Variants in SMAD1 observed in about 807,000 individuals in gnomAD.
SMAD1 encodes SMAD family member 1, also known as MAD, mothers against decapentaplegic homolog 1.
A neutral mutation model predicts 41.6 loss-of-function variants in SMAD1; 6 were observed. The ratio of observed to expected loss-of-function variants is 0.14; its 90% confidence interval spans 0.08 to 0.28. The LOEUF is 0.28. Ranked by LOEUF, SMAD1 falls within the 10% of genes least tolerant of loss-of-function variation. SMAD1 has a pLI of 1.00. For synonymous variants in SMAD1, 206 were observed against 203.2 expected (o/e 1.01, Z -0.12); for missense variants, 379 against 582.6 (o/e 0.65, Z 3.60).
In SMAD1 at chr4:145,555,218, G is replaced by A. The variant is rs551940858; in HGVS notation, c.1254+1178G>A. On this transcript the variant is annotated intron_variant, in intron 6 of 6. Transcript: ENST00000302085. ...TAACCTATATGTTATGTACATATGG[G>A]ACTACAAAGAACTATCTTATTCATT... Among the ~76,000 whole-genome samples, 5 of 152,242 alleles carry A rather than the reference G, an allele frequency of 3.3e-5. No individual in the cohort carries two copies. In the East Asian group the frequency reaches 9.6e-4, roughly 29 times the overall value.
intron 5 of SMAD1, among the ~76,000 whole-genome samples, chr4:145,548,108 G>A (rs1732351830): frequency 6.6e-6 from 1 of 152,052 alleles, no homozygotes; most frequent in Non-Finnish European, 1.5e-5. Context: ...GAACTCATGG[G>A]GCATGCCTCA....
rs1287932546 is a variant in SMAD1 at position 145,482,638 on chromosome 4, C to T, written c.-177+600C>T. On this transcript the variant is annotated intron_variant, in intron 1 of 6. Transcript: ENST00000302085. The surrounding 1 kb of genome is among the most constrained non-coding windows in gnomAD (Gnocchi z 4.2). ...CATCCCGCACGGGTTTTCTTCTCGG[C>T]CCCAGCAAGCCTCTTTGGGGTCGAG... 1 of 152,202 alleles carries T rather than the reference C, an allele frequency of 6.6e-6. No homozygotes were observed. Among genetic ancestry groups the T allele is most frequent in the Non-Finnish European group, 1.5e-5 (1 of 68,058 alleles). The allele number at this position is 152,202 out of a possible 1,614,324, so 9.4% of individuals were successfully genotyped here.
intron 2 of SMAD1, among the ~76,000 whole-genome samples, chr4:145,538,349 C>T (rs1412888407): frequency 1.3e-5 from 2 of 152,026 alleles, no homozygotes; most frequent in Non-Finnish European, 2.9e-5. Context: ...TGGGAAGATT[C>T]CATCACTGTA....
In SMAD1 at chr4:145,514,421, C is replaced by CT; in HGVS notation, c.-176-10dup. On this transcript the variant is annotated splice_polypyrimidine_tract_variant and intron_variant, in intron 1 of 6. Transcript: ENST00000302085. This position sits in a 1 kb window ranked among gnomAD's most constrained non-coding sequence, Gnocchi z 4.7. ...TATGGTAAAGATGATTCTAACCATT[C>CT]TTTTTTTGTTTTGTAGGTGCTGACT... 5.7e-6 allele frequency: 3 copies of CT among 525,974 alleles called. No individual in the cohort carries two copies. The highest frequency in any genetic ancestry group is 9.9e-6 in the Non-Finnish European group (3 of 302,216). 32.6% of individuals were successfully genotyped at this position (525,974 alleles called of 1,614,324 possible).
intron 3 of SMAD1, 23 bp from the exon 4 acceptor site, chr4:145,542,559 T>C: frequency 6.9e-7 from 1 of 1,452,128 alleles, no homozygotes; most frequent in Non-Finnish European, 9.6e-7. Context: ...GGTTAAGAAA[T>C]AACTTCTTTA....
rs1730280274 is a variant in SMAD1 at position 145,514,784 on chromosome 4, C to T, written c.171C>T (p.Cys57=). ...AMEELEKALS[C]PGQPSNCVTI... ...AGGAACTGGAAAAGGCCTTGAGCTGCCCAGGGCAACCGAGTAACTGTGTCA... is the reference window on the plus strand; with the variant it reads ...AGGAACTGGAAAAGGCCTTGAGCTGTCCAGGGCAACCGAGTAACTGTGTCA... The change falls in exon 2 of 7, where the codon TGC becomes TGT. Residue 57 remains cysteine (C), a synonymous_variant. Coordinates refer to ENST00000302085, the MANE Select transcript of SMAD1 (RefSeq NM_005900.3). This position sits in a 1 kb window ranked among gnomAD's most constrained non-coding sequence, Gnocchi z 4.7. 2 of 1,614,080 alleles carry T rather than the reference C, an allele frequency of 1.2e-6. No individual in the cohort carries two copies. The highest frequency in any genetic ancestry group is 8.5e-7 in the Non-Finnish European group (1 of 1,180,018).
chr4:145,525,064 T>A (rs1300637726), intron 2 of SMAD1, among the ~76,000 whole-genome samples: 4 of 152,144 alleles, frequency 2.6e-5, no homozygotes, highest in Non-Finnish European at 5.9e-5. Flanking sequence ...CATGTGGGAG[T>A]GCCCGGTGGC....
At chr4:145,498,875 T>G (rs185217846) in intron 1 of SMAD1, among the ~76,000 whole-genome samples, 1 of 152,242 alleles carries the variant, frequency 6.6e-6, no homozygotes, top group Non-Finnish European at 1.5e-5. Flanking sequence ...GTTAGGCACC[T>G]GGGTTATTTA....
intron 4 of SMAD1, chr4:145,544,787 A>G (rs553426942): frequency 2.0e-5 from 3 of 152,142 alleles, no homozygotes; most frequent in Non-Finnish European, 4.4e-5. Flanking sequence ...GTTGGGGGAA[A>G]TAACCCCTAT....
At chr4:145,530,827 G>C (rs1460047832) in intron 2 of SMAD1, among the ~76,000 whole-genome samples, 2 of 152,208 alleles carry the variant, frequency 1.3e-5, no homozygotes, top group Non-Finnish European at 2.9e-5. Context: ...TGATTGTCTA[G>C]TGGTTATGAG....
chr4:145,548,001 G>C (rs568476534), intron 5 of SMAD1, among the ~76,000 whole-genome samples: 10 of 152,170 alleles, frequency 6.6e-5, no homozygotes, highest in African/African-American at 2.4e-4. Flanking sequence ...AGGAACTAGG[G>C]CTCCTTGAAG....
At chr4:145,495,678 T>C (rs1260699338) in intron 1 of SMAD1, among the ~76,000 whole-genome samples, 1 of 149,900 alleles carries the variant, frequency 6.7e-6, no homozygotes, top group Admixed American at 6.7e-5. Context: ...TGAAGGCTGG[T>C]GATCACAGCT....
rs530799863 is a variant in SMAD1, at chr4:145,489,312, TAAGG to T, written c.-177+7277_-177+7280del. On this transcript the variant is annotated intron_variant, in intron 1 of 6. Coordinates refer to ENST00000302085, the MANE Select transcript of SMAD1 (RefSeq NM_005900.3). The stretch of plus-strand genomic sequence containing the variant: ...ATTTTAGGGCCTTAGAGTGCCAGAA[TAAGG>T]AAACATTGGGAAGTCACTGAAAGTG... Among the ~76,000 whole-genome samples the T allele has an allele frequency of 5.7e-4, 86 of 152,002 alleles. 1 individual carries two copies. The highest frequency in any genetic ancestry group is 1.1e-3 in the Non-Finnish European group (77 of 68,014).
chr4:145,487,174 C>T (rs927936081), intron 1 of SMAD1, among the ~76,000 whole-genome samples: 1 of 152,028 alleles, frequency 6.6e-6, no homozygotes, highest in Non-Finnish European at 1.5e-5. Context: ...CAAGATTGCA[C>T]AAAGTTCAAA....
chr4:145,549,596 C>G (rs1356725932), intron 5 of SMAD1, among the ~76,000 whole-genome samples: 1 of 152,090 alleles, frequency 6.6e-6, no homozygotes, highest in Admixed American at 6.5e-5. Context: ...TTTCTTTGTT[C>G]CCTTTCAAAC....
At chr4:145,522,705 A>C (rs550555495) in intron 2 of SMAD1, among the ~76,000 whole-genome samples, 1 of 151,962 alleles carries the variant, frequency 6.6e-6, no homozygotes, top group South Asian at 2.1e-4. Context: ...TTTGAGATGG[A>C]GTCTCGCCCT....
chr4:145,496,153 T>C (rs1729063836), intron 1 of SMAD1, among the ~76,000 whole-genome samples: 1 of 151,852 alleles, frequency 6.6e-6, no homozygotes, highest in Non-Finnish European at 1.5e-5. Flanking sequence ...TGGGAAGGTA[T>C]CAAGAAGGAA....
At chr4:145,538,468 G>A (rs925128302) in intron 2 of SMAD1, among the ~76,000 whole-genome samples, 15 of 152,072 alleles carry the variant, frequency 9.9e-5, no homozygotes, top group Non-Finnish European at 2.1e-4. Context: ...ATAAAATATA[G>A]CACATGAGAA....
In SMAD1 at chr4:145,550,412, CAG is replaced by C. The variant is rs548028183; in HGVS notation, c.998-3369_998-3368del. Among the ~76,000 whole-genome samples, 7 of 152,208 alleles carry C rather than the reference CAG, an allele frequency of 4.6e-5. No homozygotes were observed. The South Asian group carries it at 1.5e-3, about 32-fold the overall frequency. On this transcript the variant is annotated intron_variant, in intron 5 of 6. Transcript: ENST00000302085. ...CCTGTAATCCCAGCTACTCGGGAGA[CAG>C]AGGCAAAGTTATCACTTGAATTTGA...
Sources: gnomAD v4.1 joint callset for allele counts (sites outside exome capture counted in the v4.1 genomes callset) on GRCh38, gnomAD v4.1.1 for gene constraint, Gnocchi (gnomAD v3.1) non-coding constraint, MANE v1.5 for transcripts, NCBI Gene and HGNC (gene_info 2026-07-23, HGNC 2026-07-21) for gene names.